MTMR8: variants seen among roughly 807,000 people sequenced by gnomAD.
MTMR8 encodes the protein myotubularin related protein 8, also known as phosphatidylinositol-3,5-bisphosphate 3-phosphatase MTMR8.
A neutral mutation model predicts 39.3 loss-of-function variants in MTMR8; 65 were observed. The ratio of observed to expected loss-of-function variants is 1.65; its 90% CI spans 1.35 to 2.03. The LOEUF is 2.03. Among genes scored for constraint, MTMR8 ranks in the 30% most tolerant of loss-of-function variants. MTMR8 has a pLI of 0.00. For missense variants in MTMR8, 777 were observed against 538.9 expected, an observed-to-expected ratio of 1.44 and a Z score of -4.37; for synonymous variants, 245 against 185.2, an observed-to-expected ratio of 1.32 and a Z score of -2.62.
chrX:64,286,806 T>C (rs1283053272), intron 12 of MTMR8, among the ~76,000 whole-genome samples: 5 of 111,265 alleles, frequency 4.5e-5, no homozygotes, highest in East Asian at 2.8e-4. Flanking sequence ...ATTGATGGGA[T>C]ATATCTCAAA....
intron 2 of MTMR8, among the ~76,000 whole-genome samples, chrX:64,357,518 G>A (rs1923657749): frequency 9.0e-6 from 1 of 111,013 alleles, no homozygotes; most frequent in African/African-American, 3.3e-5. Flanking sequence ...TCAACCTCCT[G>A]GGTTCAAAGG....
chrX:64,342,227 A>G (rs746200249), intron 8 of MTMR8, among the ~76,000 whole-genome samples: 4 of 112,801 alleles, frequency 3.5e-5, no homozygotes, highest in African/African-American at 6.4e-5. Context: ...TGAACAATGG[A>G]TTGTGGCTAT....
At chrX:64,275,938 T>G (rs999983449) in intron 12 of MTMR8, among the ~76,000 whole-genome samples, 10 of 111,515 alleles carry the variant, frequency 9.0e-5, no homozygotes, top group Non-Finnish European at 1.3e-4. Context: ...AGACTAATAT[T>G]AAGTAGAGAA....
At position 64,345,759 on chromosome X, in the gene MTMR8, C is replaced by T. The variant is rs373057878; in HGVS notation, c.733-582G>A. 5.3e-4 allele frequency among the ~76,000 whole-genome samples: 59 copies of T among 111,425 alleles called. No homozygotes were observed. In the East Asian group the frequency reaches 0.013, roughly 25 times the overall value. ...TCCTGAACAGCTAAGACTACAGGCA[C>T]GTACCACCATGCCTGGCTAATTTTT... On this transcript the variant is annotated intron_variant, in intron 6 of 13. Transcript: ENST00000374852.
intron 12 of MTMR8, among the ~76,000 whole-genome samples, chrX:64,293,619 G>C (rs1270961251): frequency 9.0e-6 from 1 of 111,290 alleles, no homozygotes; most frequent in Non-Finnish European, 1.9e-5. Context: ...GGTGGTTGCA[G>C]AAGGTGGCTA....
chrX:64,332,099 T>A (rs1189113332), intron 10 of MTMR8, among the ~76,000 whole-genome samples: 2 of 112,456 alleles, frequency 1.8e-5, no homozygotes, highest in African/African-American at 3.2e-5. Context: ...ATGTGGATAC[T>A]GTGACTGAGG....
At chrX:64,300,323 AC>A (rs1484045726) in intron 12 of MTMR8, among the ~76,000 whole-genome samples, 1 of 111,198 alleles carries the variant, frequency 9.0e-6, no homozygotes, top group Non-Finnish European at 1.9e-5. Context: ...TGATCCCTTT[AC>A]CATTATGTAA....
At chrX:64,273,259 T>C (rs1931800751) in intron 12 of MTMR8, among the ~76,000 whole-genome samples, 1 of 110,984 alleles carries the variant, frequency 9.0e-6, no homozygotes, top group East Asian at 2.8e-4. Context: ...CTAATGAATA[T>C]ACAATATAAA....
At chrX:64,367,344 G>A (rs907362844) in intron 1 of MTMR8, among the ~76,000 whole-genome samples, 31 of 111,729 alleles carry the variant, frequency 2.8e-4, no homozygotes, top group Non-Finnish European at 5.1e-4. Context: ...GATGAACATC[G>A]ATGCCAAAAT....
At chrX:64,295,844 T>G (rs1921560109) in intron 12 of MTMR8, among the ~76,000 whole-genome samples, 1 of 111,998 alleles carries the variant, frequency 8.9e-6, no homozygotes, top group African/African-American at 3.2e-5. Flanking sequence ...AATAGAGTCC[T>G]TGTGCATTGC....
At chrX:64,323,074 A>G (rs1922696819) in intron 12 of MTMR8, among the ~76,000 whole-genome samples, 1 of 112,228 alleles carries the variant, frequency 8.9e-6, no homozygotes, top group Admixed American at 9.4e-5. Flanking sequence ...CCCCCGTGTG[A>G]CAATGGCATA....
intron 12 of MTMR8, among the ~76,000 whole-genome samples, chrX:64,320,938 C>T (rs185981226): frequency 3.8e-4 from 42 of 111,689 alleles, no homozygotes; most frequent in Admixed American, 6.7e-4. Context: ...GAAATCTCTG[C>T]GAAATCACTA....
chrX:64,284,788 AC>A (rs1478500854), intron 12 of MTMR8, among the ~76,000 whole-genome samples: 1 of 111,788 alleles, frequency 8.9e-6, no homozygotes, highest in African/African-American at 3.3e-5. Flanking sequence ...AGATTTTGTC[AC>A]CACCAGGCCT....
chrX:64,392,796 C>CATACACA (rs1924723719), intron 1 of MTMR8, among the ~76,000 whole-genome samples: 1 of 111,526 alleles, frequency 9.0e-6, no homozygotes, highest in South Asian at 3.7e-4. Context: ...TTGTACTTGA[C>CATACACA]ATACACAACT....
At chrX:64,285,049 C>T (rs1921107602) in intron 12 of MTMR8, among the ~76,000 whole-genome samples, 1 of 111,535 alleles carries the variant, frequency 9.0e-6, no homozygotes, top group Admixed American at 9.5e-5. Flanking sequence ...AGAGTCAAGA[C>T]CCATTAGTGT....
intron 12 of MTMR8, among the ~76,000 whole-genome samples, chrX:64,327,849 T>A (rs920637847): frequency 1.4e-4 from 16 of 111,160 alleles, no homozygotes; most frequent in African/African-American, 2.0e-4. Flanking sequence ...ATTTTAGCAA[T>A]AAAAAAGAAA....
At chrX:64,355,051 C>T in intron 3 of MTMR8, 117 bp from the exon 4 acceptor site, 1 of 612,099 alleles carries the variant, frequency 1.6e-6, no homozygotes, top group Non-Finnish European at 2.4e-6. Flanking sequence ...CAAACAGCCC[C>T]AGAAAAGGAC....
intron 1 of MTMR8, among the ~76,000 whole-genome samples, chrX:64,391,460 G>A (rs1924688169): frequency 8.9e-6 from 1 of 111,986 alleles, no homozygotes; most frequent in African/African-American, 3.2e-5. Context: ...CTGTCAGGCT[G>A]CTCCCATCAG....
intron 1 of MTMR8, among the ~76,000 whole-genome samples, chrX:64,379,943 AC>A (rs2147245114): frequency 8.9e-6 from 1 of 112,061 alleles, no homozygotes; most frequent in East Asian, 2.8e-4. Flanking sequence ...TCAGTGTCAT[AC>A]CACTAGATGA....
Sources: gnomAD v4.1 joint callset for allele counts (sites outside exome capture counted in the v4.1 genomes callset) on GRCh38, gnomAD v4.1.1 for gene constraint, MANE v1.5 for transcripts, NCBI Gene and HGNC (gene_info 2026-07-23, HGNC 2026-07-21) for gene names.